EPHX2: variants seen among roughly 807,000 people sequenced by gnomAD.
EPHX2 encodes the protein bifunctional epoxide hydrolase 2.
Under a neutral mutation model 78.7 loss-of-function variants are expected in EPHX2, and 74 were observed. That is an observed-to-expected ratio of 0.94 (90% confidence interval 0.78 to 1.14). The LOEUF (loss-of-function observed/expected upper bound fraction) is 1.14, where lower values mean the gene tolerates loss of function less well. Among genes scored for constraint, EPHX2 ranks in the 50% most tolerant of loss-of-function variants. The pLI, the probability that EPHX2 is intolerant of heterozygous loss-of-function variation, is 0.00. For missense variants in EPHX2, 715 were observed against 702.5 expected (o/e 1.02, Z -0.20); for synonymous variants, 251 against 255.2 (o/e 0.98, Z 0.16).
chr8:27,503,448 A>G (rs7837347), intron 2 of EPHX2, among the ~76,000 whole-genome samples, 156 bp from the exon 3 acceptor site: 1 of 152,072 alleles, frequency 6.6e-6, no homozygotes, highest in Non-Finnish European at 1.5e-5. Flanking sequence ...ATTTTTGGCC[A>G]TGTCTCTTGG....
intron 12 of EPHX2, among the ~76,000 whole-genome samples, chr8:27,526,926 G>A (rs1425777897): frequency 6.6e-6 from 1 of 151,898 alleles, no homozygotes; most frequent in Non-Finnish European, 1.5e-5. Flanking sequence ...CACTTTTTGT[G>A]TGTGTATTTT....
chr8:27,504,303 A>G (rs530486000), intron 3 of EPHX2, among the ~76,000 whole-genome samples: 1 of 152,250 alleles, frequency 6.6e-6, no homozygotes, highest in African/African-American at 2.4e-5. Flanking sequence ...GAGCCATCCC[A>G]TGTCTGCAAC....
At chr8:27,514,178 G>A (rs972909660) in intron 6 of EPHX2, among the ~76,000 whole-genome samples, 2 of 152,052 alleles carry the variant, frequency 1.3e-5, no homozygotes, top group African/African-American at 4.8e-5. Flanking sequence ...GTGGTGGTAT[G>A]CATCTGTGGT....
rs1011650761 is a variant in EPHX2, at chr8:27,528,795, T to TTTA, written c.1170+3337_1170+3339dup. On this transcript the variant is annotated intron_variant, in intron 12 of 18. Transcript: ENST00000521400. Reference sequence around the variant, plus strand: ...TGCACCCGTCTCCCCCACTTATTTTTTTATTATTATTATTATTTGAGACAG... The same window carrying TTTA: ...TGCACCCGTCTCCCCCACTTATTTTTTTATTATTATTATTATTATTTGAGACAG... Among the ~76,000 whole-genome samples the TTTA allele has an allele frequency of 1.4e-4, 21 of 152,144 alleles. No individual in the cohort carries two copies. The East Asian group carries it at 2.3e-3, about 17-fold the overall frequency.
Position 27,505,106 on chromosome 8 carries a change from A to G in EPHX2, c.497A>G (p.Tyr166Cys), listed in dbSNP as rs146049019. ...VGMVKPEPQI[Y>C]KFLLDTLKAS... ...ATGGTCAAACCTGAACCTCAGATCTACAAGTTTCTGCTGGACACCCTGAAG... is the reference window on the plus strand; with the variant it reads ...ATGGTCAAACCTGAACCTCAGATCTGCAAGTTTCTGCTGGACACCCTGAAG... The change falls in exon 4 of 19, where the codon TAC (tyrosine) becomes TGC (cysteine). Residue 166 changes from tyrosine to cysteine, a missense_variant. Transcript: ENST00000521400. 3.8e-5 allele frequency: 62 copies of G among 1,614,154 alleles called. No homozygotes were observed. In the African/African-American group the frequency reaches 6.5e-4, roughly 17 times the overall value.
At chr8:27,517,624 A>G (rs1814504039) in intron 8 of EPHX2, among the ~76,000 whole-genome samples, 1 of 152,258 alleles carries the variant, frequency 6.6e-6, no homozygotes, top group South Asian at 2.1e-4. Flanking sequence ...TGACAAGGGT[A>G]TCAAGAATAC....
chr8:27,510,737 T>C (rs575279570), intron 5 of EPHX2, among the ~76,000 whole-genome samples: 1 of 152,078 alleles, frequency 6.6e-6, no homozygotes, highest in South Asian at 2.1e-4. Context: ...GAGGATCACT[T>C]GAGGCCAGGA....
chr8:27,543,830 G>T lies in EPHX2; in HGVS notation c.1530+1G>T. 6.2e-7 allele frequency: 1 copy of T among 1,614,176 alleles called. No homozygotes were observed. The highest frequency in any genetic ancestry group is 8.5e-7 in the Non-Finnish European group (1 of 1,180,018). On this transcript the variant is annotated splice_donor_variant, in intron 17 of 18. Coordinates refer to ENST00000521400, the MANE Select transcript of EPHX2 (RefSeq NM_001979.6). LOFTEE classifies it high-confidence loss of function. ...GATGTCCCAGCACATGGAGGACTGG[G>T]TGAGGGAATGGCCCTGTACAAGGGT...
intron 12 of EPHX2, among the ~76,000 whole-genome samples, chr8:27,534,612 C>G (rs961046758): frequency 6.6e-6 from 1 of 152,100 alleles, no homozygotes; most frequent in African/African-American, 2.4e-5. Context: ...CTACTGCACA[C>G]CAGCCTGGGC....
At chr8:27,504,223 A>G (rs1813910942) in intron 3 of EPHX2, among the ~76,000 whole-genome samples, 1 of 151,662 alleles carries the variant, frequency 6.6e-6, no homozygotes, top group Admixed American at 6.6e-5. Context: ...TGGTGTGAAC[A>G]CCTGACTCTT....
rs1126452 is a variant in EPHX2 at position 27,544,447 on chromosome 8, A to C, written c.1593A>C (p.Pro531=). ...TTTACTTCTCCCTTTCCCCCAGGCC[A>C]ACCGAGGTGAATCAGATCCTCATTA... The part of the protein sequence containing the change: ...DCGHWTQMDK[P]TEVNQILIKW... Residue 531 remains proline (P), a synonymous_variant, in exon 19 of 19, where the codon CCA becomes CCC. Coordinates refer to ENST00000521400, the MANE Select transcript of EPHX2 (RefSeq NM_001979.6). 470,888 of 1,613,310 alleles carry C rather than the reference A, an allele frequency of 0.29. 75,909 individuals are homozygous for C. Among genetic ancestry groups the C allele is most frequent in the African/African-American group, 0.68 (50,742 of 74,864 alleles).
chr8:27,499,502 T>C (rs116604298), intron 1 of EPHX2, among the ~76,000 whole-genome samples: 3,014 of 152,284 alleles, frequency 0.02, 94 homozygotes, highest in African/African-American at 0.07. Flanking sequence ...TTGACTATTA[T>C]CAGAAATAAA....
At chr8:27,543,608 A>G in intron 16 of EPHX2, 141 bp from the exon 17 acceptor site, 2 of 748,604 alleles carry the variant, frequency 2.7e-6, no homozygotes, top group Non-Finnish European at 4.5e-6. Context: ...ATCTCCAGTA[A>G]TAACCACGAG....
intron 12 of EPHX2, among the ~76,000 whole-genome samples, chr8:27,530,027 A>G (rs765109891): frequency 1.3e-5 from 2 of 152,104 alleles, no homozygotes; most frequent in Non-Finnish European, 2.9e-5. Context: ...AATCATCCAC[A>G]AATGATTTTC....
At chr8:27,533,661 C>G (rs1414884995) in intron 12 of EPHX2, among the ~76,000 whole-genome samples, 1 of 152,190 alleles carries the variant, frequency 6.6e-6, no homozygotes, top group Non-Finnish European at 1.5e-5. Context: ...AATCATAACT[C>G]ACTGCATTCT....
chr8:27,516,440 T>C, intron 8 of EPHX2, 42 bp downstream of exon 8: 1 of 1,588,298 alleles, frequency 6.3e-7, no homozygotes, highest in Non-Finnish European at 8.6e-7. Flanking sequence ...TGGTCTTGCC[T>C]TCTACCTGCC....
chr8:27,545,913 A>G (rs902152897), downstream of EPHX2, among the ~76,000 whole-genome samples: 1 of 152,106 alleles, frequency 6.6e-6, no homozygotes, highest in African/African-American at 2.4e-5. Context: ...GGAGTCTTCC[A>G]TGCACCACCT....
At chr8:27,528,493 C>T (rs1418589666) in intron 12 of EPHX2, among the ~76,000 whole-genome samples, 2 of 152,178 alleles carry the variant, frequency 1.3e-5, no homozygotes, top group East Asian at 3.9e-4. Flanking sequence ...CCCTGGCCCT[C>T]AGTTTCCTCA....
chr8:27,522,962 CAAAAAAAAAAAAA>C (rs539360462), intron 11 of EPHX2, among the ~76,000 whole-genome samples: 6 of 62,684 alleles, frequency 9.6e-5, no homozygotes, highest in South Asian at 7.7e-4. Context: ...ACTCCGTTTC[CAAAAAAAAAAAAA>C]AAAAAAAAAA....
Sources: gnomAD v4.1 joint callset for allele counts (sites outside exome capture counted in the v4.1 genomes callset) on GRCh38, gnomAD v4.1.1 for gene constraint, MANE v1.5 for transcripts, NCBI Gene and HGNC (gene_info 2026-07-23, HGNC 2026-07-21) for gene names.